ZNF831: variants seen among roughly 807,000 people sequenced by gnomAD.
The protein encoded by ZNF831 is chromosome 20 open reading frame 174.
Under a neutral mutation model 95.8 loss-of-function variants are expected in ZNF831, and 59 were observed. That is an observed-to-expected ratio of 0.62 (90% confidence interval 0.50 to 0.77). ZNF831 has a LOEUF of 0.77. Ranked by LOEUF, ZNF831 falls within the 30% of genes least tolerant of loss-of-function variation. The probability of loss-of-function intolerance (pLI) is 0.00; values close to 1 mark genes in which losing one functional copy is unlikely to be tolerated. For missense variants in ZNF831, 2,205 were observed against 2,164.0 expected (o/e 1.02, Z -0.38); for synonymous variants, 961 against 925.5 (o/e 1.04, Z -0.70).
rs1339668624 is a variant in ZNF831 at position 59,254,931 on chromosome 20, C to T, written c.*188C>T. 2.7e-6 allele frequency: 2 copies of T among 729,540 alleles called. No homozygotes were observed. The highest frequency in any genetic ancestry group is 4.3e-6 in the Non-Finnish European group (2 of 460,620). 45.2% of individuals were successfully genotyped at this position (729,540 alleles called of 1,614,324 possible). ...CCAACTCAGCCGCAGCGTTCCCCAG[C>T]TCCCCTTGGGAGTGCTCTGCTCATC... On this transcript the variant is annotated 3_prime_UTR_variant, in exon 6 of 6. Transcript: ENST00000371030. The surrounding 1 kb of genome is among the most constrained non-coding windows in gnomAD (Gnocchi z 4.5).
chr20:59,243,145 C>T (rs1435175197), intron 4 of ZNF831, among the ~76,000 whole-genome samples: 4 of 152,170 alleles, frequency 2.6e-5, no homozygotes, highest in Non-Finnish European at 5.9e-5. Context: ...ATTTACTTTC[C>T]CTCTTAATGG....
chr20:59,253,879 C>CTTTG lies in ZNF831; in HGVS notation c.4189-19_4189-18insTTTG. Reference sequence around the variant, plus strand: ...TAACCTCCCCCCCCACTTTTTTTTTCCTTTGCACTTTGTTGCAGGATATTT... The same window carrying CTTTG: ...TAACCTCCCCCCCCACTTTTTTTTTCTTTGCTTTGCACTTTGTTGCAGGATATTT... On this transcript the variant is annotated intron_variant, in intron 5 of 5. Coordinates refer to ENST00000371030, the MANE Select transcript of ZNF831 (RefSeq NM_178457.3). 3 of 489,122 alleles carry CTTTG rather than the reference C, an allele frequency of 6.1e-6. No individual in the cohort carries two copies. The highest frequency in any genetic ancestry group is 4.5e-5 in the South Asian group (1 of 22,430). 30.3% of individuals were successfully genotyped at this position (489,122 alleles called of 1,614,324 possible). A position where few individuals can be genotyped will look rare whatever the true frequency, so the allele number is the denominator to read the frequency against.
At chr20:59,136,407 A>G (rs2146440381) in intron 1 of ZNF831, among the ~76,000 whole-genome samples, 1 of 152,072 alleles carries the variant, frequency 6.6e-6, no homozygotes. Context: ...ACCTAGATTA[A>G]AGTTTGATTG....
intron 1 of ZNF831, among the ~76,000 whole-genome samples, chr20:59,180,264 T>C (rs562003617): frequency 0.017 from 2,573 of 152,176 alleles, 24 homozygotes; most frequent in Admixed American, 0.023. Flanking sequence ...ATTATTTATT[T>C]TTTGTAGAGA....
At chr20:59,245,133 G>A (rs973286680) in intron 4 of ZNF831, among the ~76,000 whole-genome samples, 4 of 152,190 alleles carry the variant, frequency 2.6e-5, no homozygotes, top group African/African-American at 7.2e-5. Context: ...CAGAGTGGGC[G>A]GCGCATGTGA....
intron 4 of ZNF831, among the ~76,000 whole-genome samples, chr20:59,234,662 C>T (rs1449722633): frequency 5.3e-5 from 8 of 152,144 alleles, no homozygotes; most frequent in Non-Finnish European, 8.8e-5. Flanking sequence ...CTCAACGCGA[C>T]AGAAGTGAAA....
upstream of ZNF831, among the ~76,000 whole-genome samples, chr20:59,162,908 T>G (rs975329548): frequency 6.6e-6 from 1 of 152,206 alleles, no homozygotes; most frequent in Non-Finnish European, 1.5e-5. Context: ...TTGAGTCTTA[T>G]AATCCATGAG....
In ZNF831 at chr20:59,194,481, C is replaced by G. The variant is rs1983921528; in HGVS notation, c.3462C>G (p.Ser1154=). 9.3e-6 allele frequency: 15 copies of G among 1,612,820 alleles called. No individual in the cohort carries two copies. Among genetic ancestry groups the G allele is most frequent in the Middle Eastern group, 1.7e-4 (1 of 6,054 alleles). Reference sequence around the variant, plus strand: ...GCTGGCCAGAGCTGGCCTTGTCTTCCCACTCAGGGACGTCCCGGAGCCACA... The same window carrying G: ...GCTGGCCAGAGCTGGCCTTGTCTTCGCACTCAGGGACGTCCCGGAGCCACA... The part of the protein sequence containing the change: ...PPGWPELALS[S]HSGTSRSHST... Residue 1154 remains serine, a synonymous_variant, in exon 2 of 6, where the codon TCC becomes TCG. Transcript: ENST00000371030.
At chr20:59,151,096 T>C (rs534971780) in intron 2 of ZNF831, among the ~76,000 whole-genome samples, 1 of 152,290 alleles carries the variant, frequency 6.6e-6, no homozygotes, top group Admixed American at 6.5e-5. Flanking sequence ...GAGAGGCCCA[T>C]GTTCCCGGTA....
chr20:59,188,621 C>A (rs1275577456), intron 1 of ZNF831, among the ~76,000 whole-genome samples: 1 of 151,934 alleles, frequency 6.6e-6, no homozygotes, highest in East Asian at 1.9e-4. Flanking sequence ...CATGCCACTG[C>A]ATTCCAGCCT....
intron 1 of ZNF831, among the ~76,000 whole-genome samples, chr20:59,164,480 T>C (rs1175115156): frequency 1.3e-5 from 2 of 152,134 alleles, no homozygotes; most frequent in African/African-American, 2.4e-5. Context: ...TATAAGAAAA[T>C]TTATTGCTTT....
rs1221944305 is a variant in ZNF831, at chr20:59,217,712, C to T, written c.4027+10656C>T. On this transcript the variant is annotated intron_variant, in intron 4 of 5. Transcript: ENST00000371030. This position sits in a 1 kb window ranked among gnomAD's most constrained non-coding sequence, Gnocchi z 4.4. ...CTAGGGGTCTGTTATCCATTCTGTC[C>T]GTGGAAGGCTGGCATTCTCTAGTAG... Among the ~76,000 whole-genome samples, 1 of 152,038 alleles carries T rather than the reference C, an allele frequency of 6.6e-6. No homozygotes were observed. Among genetic ancestry groups the T allele is most frequent in the Non-Finnish European group, 1.5e-5 (1 of 68,002 alleles).
In ZNF831 at chr20:59,191,273, G is replaced by A. The variant is rs1474049686; in HGVS notation, c.254G>A (p.Gly85Asp). 1.9e-6 allele frequency: 3 copies of A among 1,560,154 alleles called. No individual in the cohort carries two copies. The highest frequency in any genetic ancestry group is 1.9e-5 in the Admixed American group (1 of 52,890). Residue 85 changes from glycine to aspartate, a missense_variant, in exon 2 of 6, where the codon GGC (glycine) becomes GAC (aspartate). Gly to Asp is a moderately conservative substitution (Grantham distance 94, BLOSUM62 -1). Coordinates refer to ENST00000371030, the MANE Select transcript of ZNF831 (RefSeq NM_178457.3). ...CTAGTGACGGGCAGCCTAGATGGGG[G>A]CAACGTGCCCTTCATACTCAGCCCT... ...APLVTGSLDG[G>D]NVPFILSPVL...
chr20:59,126,104 T>C (rs768983429), intron 1 of ZNF831, among the ~76,000 whole-genome samples: 1 of 152,218 alleles, frequency 6.6e-6, no homozygotes, highest in Non-Finnish European at 1.5e-5. Context: ...TTTTAATCAT[T>C]ACCCATGCTG....
chr20:59,157,211 C>T (rs926553989), intron 2 of ZNF831, among the ~76,000 whole-genome samples: 4 of 152,282 alleles, frequency 2.6e-5, no homozygotes, highest in East Asian at 1.9e-4. Flanking sequence ...CCCACTTTCC[C>T]GCCCACTCCC....
At chr20:59,201,456 TTA>T (rs1459939576) in intron 3 of ZNF831, among the ~76,000 whole-genome samples, 2 of 152,192 alleles carry the variant, frequency 1.3e-5, no homozygotes, top group African/African-American at 4.8e-5. Flanking sequence ...GTAGCATCTT[TTA>T]AAAAGCAACT....
upstream of ZNF831, among the ~76,000 whole-genome samples, chr20:59,163,018 TGTGTGTG>T (rs1568732572): frequency 8.1e-5 from 11 of 136,098 alleles, no homozygotes; most frequent in African/African-American, 3.5e-4. Flanking sequence ...TTCCTAGGTG[TGTGTGTG>T]TGTGTGTGTG....
rs1988113260 is a variant in ZNF831, at chr20:59,255,041, C to CTG, written c.*298_*299insTG. On this transcript the variant is annotated 3_prime_UTR_variant, in exon 6 of 6. Coordinates refer to ENST00000371030, the MANE Select transcript of ZNF831 (RefSeq NM_178457.3). ...GTGCACAGTGACTGGGCCTTGACTC[C>CTG]CAGCCTCGTCTTCTGCACCTGTCCC... 1.5e-5 allele frequency: 4 copies of CTG among 275,532 alleles called. No individual in the cohort carries two copies. The highest frequency in any genetic ancestry group is 8.7e-5 in the African/African-American group (4 of 46,240). 17.1% of individuals were successfully genotyped at this position (275,532 alleles called of 1,614,324 possible).
rs1988208890 is a variant in ZNF831 at position 59,256,800 on chromosome 20, C to T, written c.*2057C>T. On this transcript the variant is annotated 3_prime_UTR_variant, in exon 6 of 6. Transcript: ENST00000371030. ...TCCACCAATTATTGCTGTGAAGAAC[C>T]TGAGCCTGAAGAAGCTCCATCTAAT... is the stretch of plus-strand genomic sequence containing the variant. The T allele has an allele frequency of 6.6e-6, 1 of 152,234 alleles. No homozygotes were observed. The highest frequency in any genetic ancestry group is 2.1e-4 in the South Asian group (1 of 4,836). The allele number at this position is 152,234 out of a possible 1,614,324, so 9.4% of individuals were successfully genotyped here. A position where few individuals can be genotyped will look rare whatever the true frequency, so the allele number is the denominator to read the frequency against.
Sources: gnomAD v4.1 joint callset for allele counts (sites outside exome capture counted in the v4.1 genomes callset) on GRCh38, gnomAD v4.1.1 for gene constraint, Gnocchi (gnomAD v3.1) non-coding constraint, MANE v1.5 for transcripts, NCBI Gene and HGNC (gene_info 2026-07-23, HGNC 2026-07-21) for gene names.